Variants in CABIN1 observed in about 807,000 individuals in gnomAD.
The protein encoded by CABIN1 is calcineurin binding protein 1, also known as calcineurin-binding protein cabin-1.
CABIN1 carries 133 observed loss-of-function variants against 227.7 expected under a neutral mutation model. The ratio of observed to expected loss-of-function variants is 0.58; its 90% CI spans 0.51 to 0.67. The LOEUF (loss-of-function observed/expected upper bound fraction) is 0.67, where lower values mean the gene tolerates loss of function less well. CABIN1 is among the 30% of genes least tolerant of loss of function. The probability of loss-of-function intolerance (pLI) is 0.00; values close to 1 mark genes in which losing one functional copy is unlikely to be tolerated. For synonymous variants in CABIN1, 1,086 were observed against 1,155.1 expected (o/e 0.94, Z 1.21); for missense variants, 2,408 against 2,852.5 (o/e 0.84, Z 3.55).
chr22:24,158,199 G>A (rs953779129), intron 29 of CABIN1, among the ~76,000 whole-genome samples: 3 of 152,256 alleles, frequency 2.0e-5, no homozygotes, highest in East Asian at 1.9e-4. Context: ...ATCTTACCAC[G>A]GGCATACAGG....
intron 15 of CABIN1, among the ~76,000 whole-genome samples, chr22:24,065,046 G>C (rs866125029): frequency 5.9e-5 from 9 of 152,212 alleles, no homozygotes; most frequent in African/African-American, 2.2e-4. Context: ...CCTCCCAGAG[G>C]GGGTGGTGGC....
chr22:24,027,378 T>C (rs997177772), intron 1 of CABIN1, among the ~76,000 whole-genome samples: 5 of 152,258 alleles, frequency 3.3e-5, no homozygotes, highest in African/African-American at 1.2e-4. Flanking sequence ...TTTTCTTGCC[T>C]TAACGTAGTA....
intron 29 of CABIN1, among the ~76,000 whole-genome samples, chr22:24,161,819 T>C (rs2046172295): frequency 1.3e-5 from 2 of 152,154 alleles, no homozygotes; most frequent in Admixed American, 6.5e-5. Flanking sequence ...CTTCCTCCTG[T>C]GTGGGCCGTG....
chr22:24,168,208 A>T (rs2046567673), intron 32 of CABIN1, among the ~76,000 whole-genome samples: 1 of 152,168 alleles, frequency 6.6e-6, no homozygotes, highest in East Asian at 1.9e-4. Context: ...AGGCACCCCC[A>T]CCTGGGAGAT....
chr22:24,036,070 A>G lies in CABIN1; in HGVS notation c.4-19A>G. The G allele has an allele frequency of 6.3e-7, 1 of 1,588,724 alleles. No homozygotes were observed. The highest frequency in any genetic ancestry group is 8.6e-7 in the Non-Finnish European group (1 of 1,156,950). On this transcript the variant is annotated intron_variant, in intron 2 of 36. Transcript: ENST00000263119. ...CATCTCAAAGCAACTTGTCTCTTCC[A>G]CCAAACCCCTGTTTCTAGATTCGAA...
At chr22:24,090,517 ATTTTTTTTTTT>A (rs11356877) in intron 23 of CABIN1, among the ~76,000 whole-genome samples, 23 of 122,382 alleles carry the variant, frequency 1.9e-4, no homozygotes, top group African/African-American at 6.6e-4. Flanking sequence ...CTGTGTGGTC[ATTTTTTTTTTT>A]TTTTTTTTTT....
rs773808927 is a variant in CABIN1 at position 24,056,254 on chromosome 22, A to G, written c.1156A>G (p.Ser386Gly). ...AAAACGGAAGAAGATTTCAGAAGAG[A>G]GTGGAGAAACAGCAAAGCGGCGGTC... is the stretch of plus-strand genomic sequence containing the variant. ...GVKRKKISEESGETAKRRSAR... is the reference protein window; with the variant it reads ...GVKRKKISEEGGETAKRRSAR... Residue 386 changes from serine to glycine, a missense_variant, in exon 10 of 37, where the codon AGT becomes GGT. Coordinates refer to ENST00000263119, the MANE Select transcript of CABIN1 (RefSeq NM_012295.4). The G allele has an allele frequency of 4.5e-5, 72 of 1,613,930 alleles. No homozygotes were observed. Among genetic ancestry groups the G allele is most frequent in the Non-Finnish European group, 6.1e-5 (72 of 1,179,960 alleles).
At chr22:24,055,943 T>C (rs2038763068) in intron 9 of CABIN1, among the ~76,000 whole-genome samples, 1 of 152,190 alleles carries the variant, frequency 6.6e-6, no homozygotes, top group African/African-American at 2.4e-5. Flanking sequence ...GCTTGCTTTG[T>C]AGCTGTGGAA....
At chr22:24,147,912 G>A (rs1354923681) in intron 29 of CABIN1, among the ~76,000 whole-genome samples, 5 of 152,190 alleles carry the variant, frequency 3.3e-5, no homozygotes, top group African/African-American at 1.2e-4. Flanking sequence ...GCTTTGGAAA[G>A]TAGACTGAGC....
At chr22:24,020,838 G>T (rs1360388764) in intron 1 of CABIN1, among the ~76,000 whole-genome samples, 2 of 81,444 alleles carry the variant, frequency 2.5e-5, no homozygotes, top group African/African-American at 8.5e-5. Context: ...AGCAGTTTTT[G>T]TGTGTGTGTG....
At position 24,063,992 on chromosome 22, in the gene CABIN1, A is replaced by T. The variant is rs755169231; in HGVS notation, c.1885-43A>T. 2.0e-5 allele frequency: 32 copies of T among 1,612,696 alleles called. No individual in the cohort carries two copies. The East Asian group carries it at 6.9e-4, about 35-fold the overall frequency. ...GTAAAGCATCTGGCACATCATAGTCAGTCTTCTGCTTTGGTTCCCTGACCT... is the reference window on the plus strand; with the variant it reads ...GTAAAGCATCTGGCACATCATAGTCTGTCTTCTGCTTTGGTTCCCTGACCT... On this transcript the variant is annotated intron_variant, in intron 14 of 36. Coordinates refer to ENST00000263119, the MANE Select transcript of CABIN1 (RefSeq NM_012295.4).
chr22:24,124,719 G>C (rs2043614027), intron 28 of CABIN1, among the ~76,000 whole-genome samples: 1 of 152,134 alleles, frequency 6.6e-6, no homozygotes, highest in Non-Finnish European at 1.5e-5. Context: ...TGTCATGAAG[G>C]TTCTGGCCTT....
chr22:24,056,795 A>G (rs1356651178), intron 10 of CABIN1, among the ~76,000 whole-genome samples: 1 of 152,138 alleles, frequency 6.6e-6, no homozygotes, highest in Non-Finnish European at 1.5e-5. Flanking sequence ...CTGAGAAGGT[A>G]GAGGAGGAGC....
At chr22:24,136,295 T>G (rs905059005) in intron 29 of CABIN1, among the ~76,000 whole-genome samples, 2 of 151,372 alleles carry the variant, frequency 1.3e-5, no homozygotes, top group African/African-American at 4.9e-5. Context: ...TGATAGCTAC[T>G]GCATAGTAGT....
chr22:24,015,316 A>ACCC (rs1160274416), intron 1 of CABIN1, among the ~76,000 whole-genome samples: 1 of 137,524 alleles, frequency 7.3e-6, no homozygotes, highest in East Asian at 2.3e-4. Context: ...CTTGAAAATC[A>ACCC]CCCCATATCT....
At chr22:24,154,308 G>A (rs949985539) in intron 29 of CABIN1, among the ~76,000 whole-genome samples, 21 of 152,208 alleles carry the variant, frequency 1.4e-4, no homozygotes, top group Admixed American at 4.6e-4. Flanking sequence ...GGACAGCCGG[G>A]AAGAGTGGCC....
At position 24,059,372 on chromosome 22, in the gene CABIN1, C is replaced by T. The variant is rs200627620; in HGVS notation, c.1399+9C>T. ...CACATTCATGGAATCTGGTAGGAAT[C>T]GAGCAGTGTGACCATTCACTTTGGG... On this transcript the variant is annotated intron_variant, in intron 11 of 36. Transcript: ENST00000263119. The T allele has an allele frequency of 2.4e-5, 39 of 1,613,992 alleles. No individual in the cohort carries two copies. The highest frequency in any genetic ancestry group is 1.2e-4 in the South Asian group (11 of 91,056).
At chr22:24,014,662 C>G (rs2035104071) in intron 1 of CABIN1, among the ~76,000 whole-genome samples, 1 of 152,084 alleles carries the variant, frequency 6.6e-6, no homozygotes, top group East Asian at 1.9e-4. Context: ...TTTGAGTTCC[C>G]CCTGCATCCT....
In CABIN1 at chr22:24,087,465, G is replaced by A. The variant is rs756238890; in HGVS notation, c.3277G>A (p.Ala1093Thr). 3 of 1,613,796 alleles carry A rather than the reference G, an allele frequency of 1.9e-6. No individual in the cohort carries two copies. Among genetic ancestry groups the A allele is most frequent in the Non-Finnish European group, 2.5e-6 (3 of 1,180,036 alleles). ...TTACCACCACAGGTTTGATTCCTGG[G>A]CAGGCATGGCTCTGGCCCGGGCCAG... ...CICPNRFDSW[A>T]GMALARASRI... Residue 1093 changes from alanine to threonine, a missense_variant, in exon 23 of 37, where the codon GCA becomes ACA. Physicochemically the swap from Ala to Thr is moderately conservative, Grantham distance 58 (BLOSUM62 0). Coordinates refer to ENST00000263119, the MANE Select transcript of CABIN1 (RefSeq NM_012295.4).
Sources: allele counts gnomAD v4.1 joint callset (sites outside exome capture counted in the v4.1 genomes callset), GRCh38; gene constraint gnomAD v4.1.1; transcripts MANE v1.5; gene names NCBI Gene and HGNC (gene_info 2026-07-23, HGNC 2026-07-21).